Variants in TMEM222 observed in about 807,000 individuals in gnomAD.
The protein encoded by TMEM222 is chromosome 1 open reading frame 160.
A neutral mutation model predicts 25.1 loss-of-function variants in TMEM222; 18 were observed. The observed-to-expected ratio is 0.72, with a 90% CI of 0.50 to 1.06. The LOEUF is 1.06. Ranked by LOEUF, TMEM222 falls within the 50% of genes least tolerant of loss-of-function variation. The pLI is 0.00. For synonymous variants in TMEM222, 131 were observed against 117.9 expected (o/e 1.11, Z -0.72); for missense variants, 296 against 293.7 (o/e 1.01, Z -0.06).
chr1:27,328,618 C>G (rs1218500402), intron 1 of TMEM222, among the ~76,000 whole-genome samples: 1 of 152,218 alleles, frequency 6.6e-6, no homozygotes, highest in African/African-American at 2.4e-5. Flanking sequence ...GTCAGGACCT[C>G]CATCATCTCT....
intron 1 of TMEM222, among the ~76,000 whole-genome samples, chr1:27,323,744 G>A (rs2014269520): frequency 1.3e-5 from 2 of 152,240 alleles, no homozygotes; most frequent in Non-Finnish European, 2.9e-5. Context: ...CTGCACTTCA[G>A]CATGGGCAAC....
chr1:27,323,319 T>G (rs1406533656), intron 1 of TMEM222, among the ~76,000 whole-genome samples: 4 of 152,220 alleles, frequency 2.6e-5, no homozygotes, highest in African/African-American at 9.6e-5. Context: ...GATAGCTTGT[T>G]CCGCTATCAA....
In TMEM222 at chr1:27,330,795, C is replaced by T. The variant is rs531105741; in HGVS notation, c.270C>T (p.Tyr90=). 2.7e-5 allele frequency: 44 copies of T among 1,614,198 alleles called. No homozygotes were observed. In the African/African-American group the frequency reaches 4.9e-4, roughly 18 times the overall value. The change falls in exon 2 of 6, where the codon TAC becomes TAT. Residue 90 remains tyrosine, a synonymous_variant. Transcript: ENST00000374076. ...TGVIRDFAGP[Y]FVSEDNMAFG... ...TCATTCGGGACTTCGCGGGCCCCTA[C>T]TTTGTCTCAGTGAGTCCCCATTCTG... is the stretch of plus-strand genomic sequence containing the variant.
At chr1:27,325,815 C>G in intron 1 of TMEM222, 1 of 799,848 alleles carries the variant, frequency 1.3e-6, no homozygotes, top group Non-Finnish European at 2.3e-6. Context: ...CGAGCCGATG[C>G]GTAGCATTTG....
In TMEM222 at chr1:27,333,956, A is replaced by G. The variant is rs990943196; in HGVS notation, c.312-2A>G. On this transcript the variant is annotated splice_acceptor_variant, in intron 3 of 5. Coordinates refer to ENST00000374076, the MANE Select transcript of TMEM222 (RefSeq NM_032125.3). LOFTEE classifies it high-confidence loss of function. ...GTGTCCAGAGCCCTTCTCTCCCCCCAGGTACTGGAAGTTGGACCCTGCTCA... is the reference window on the plus strand; with the variant it reads ...GTGTCCAGAGCCCTTCTCTCCCCCCGGGTACTGGAAGTTGGACCCTGCTCA... 6.2e-7 allele frequency: 1 copy of G among 1,613,318 alleles called. No homozygotes were observed.
intron 2 of TMEM222, among the ~76,000 whole-genome samples, chr1:27,331,392 C>T (rs575926428): frequency 3.4e-4 from 52 of 152,318 alleles, no homozygotes; most frequent in Non-Finnish European, 4.4e-4. Context: ...CATCTTAACA[C>T]GACAAAGGTC....
chr1:27,334,775 C>G, intron 5 of TMEM222: 1 of 1,142,398 alleles, frequency 8.8e-7, no homozygotes, highest in Non-Finnish European at 1.1e-6. Context: ...ATCTGGCCGC[C>G]TCTCCAAGCT....
chr1:27,335,551 C>A lies in TMEM222; in HGVS notation c.*85C>A. 7.2e-7 allele frequency: 1 copy of A among 1,395,620 alleles called. No homozygotes were observed. The allele number at this position is 1,395,620 out of a possible 1,614,324, so 86.5% of individuals were successfully genotyped here. On this transcript the variant is annotated 3_prime_UTR_variant, in exon 6 of 6. Transcript: ENST00000374076. ...GGTTCCAGATTTTTTTCTCCTCACC[C>A]CAAAAGGCAGGGTTGGGCCTGCTGT...
At chr1:27,330,559 C>T (rs1047374884) in intron 1 of TMEM222, among the ~76,000 whole-genome samples, 161 bp from the exon 2 acceptor site, 6 of 152,170 alleles carry the variant, frequency 3.9e-5, no homozygotes, top group Non-Finnish European at 8.8e-5. Context: ...TGCAGTTACC[C>T]TTGTCTGTGC....
chr1:27,332,579 G>A, intron 3 of TMEM222: 1 of 712,776 alleles, frequency 1.4e-6, no homozygotes, highest in Non-Finnish European at 2.6e-6. Flanking sequence ...TTGCTGGTTT[G>A]GTTTGGGACA....
chr1:27,335,263 T>TGG, intron 5 of TMEM222, 116 bp from the exon 6 acceptor site: 1 of 1,002,012 alleles, frequency 1.0e-6, no homozygotes, highest in Non-Finnish European at 1.5e-6. Context: ...GAGGGGGTGG[T>TGG]TGGGTTTTCC....
chr1:27,335,814 G>T lies in TMEM222; in HGVS notation c.*348G>T. On this transcript the variant is annotated 3_prime_UTR_variant, in exon 6 of 6. Transcript: ENST00000374076. ...CCCAGTGCCCAGTATGGGGAGAGGA[G>T]GACATTTGGGCTCACCTGTCAAGGT... 1 of 331,068 alleles carries T rather than the reference G, an allele frequency of 3.0e-6. No homozygotes were observed. The highest frequency in any genetic ancestry group is 5.8e-6 in the Non-Finnish European group (1 of 171,716). The allele number at this position is 331,068 out of a possible 1,614,324, so 20.5% of individuals were successfully genotyped here. A position where few individuals can be genotyped will look rare whatever the true frequency, so the allele number is the denominator to read the frequency against.
intron 5 of TMEM222, 50 bp from the exon 6 acceptor site, chr1:27,335,329 C>T (rs1049582734): frequency 6.3e-7 from 1 of 1,583,218 alleles, no homozygotes; most frequent in Non-Finnish European, 8.7e-7. Flanking sequence ...GGGCCGCATG[C>T]CTGCTCACCA....
At chr1:27,332,144 G>T (rs150229097) in intron 3 of TMEM222, 43 bp downstream of exon 3, 1 of 1,612,602 alleles carries the variant, frequency 6.2e-7, no homozygotes. Flanking sequence ...GAGGCAGGTC[G>T]CTCCTGCCGG....
At chr1:27,331,976 T>G in intron 2 of TMEM222, 94 bp from the exon 3 acceptor site, 1 of 873,748 alleles carries the variant, frequency 1.1e-6, no homozygotes, top group Non-Finnish European at 1.8e-6. Flanking sequence ...TGACATACCC[T>G]CTTCTAAGTC....
chr1:27,332,162 C>G, intron 3 of TMEM222, 61 bp downstream of exon 3: 1 of 1,604,694 alleles, frequency 6.2e-7, no homozygotes. Context: ...CGGGGCGGGC[C>G]AGGCCTTCTG....
Position 27,335,502 on chromosome 1 carries a change from G to A in TMEM222, c.*36G>A, listed in dbSNP as rs368947878. The A allele has an allele frequency of 2.6e-4, 420 of 1,602,458 alleles. 2 individuals carry two copies. Among genetic ancestry groups the A allele is most frequent in the Non-Finnish European group, 3.3e-4 (383 of 1,169,878 alleles). On this transcript the variant is annotated 3_prime_UTR_variant, in exon 6 of 6. Transcript: ENST00000374076. The stretch of plus-strand genomic sequence containing the variant: ...GTGGCCCCACACCCACCAGGGTCCC[G>A]AGGAAACAGCCGCCATCCCTTTTGG...
At chr1:27,325,440 C>G (rs1488770152) in intron 1 of TMEM222, 9 of 1,233,184 alleles carry the variant, frequency 7.3e-6, no homozygotes, top group Non-Finnish European at 1.1e-5. Flanking sequence ...GTTCCAGTGT[C>G]CGGAGGCGCT....
chr1:27,332,063 T>C lies in TMEM222; in HGVS notation c.280-7T>C, dbSNP rs772271236. 4.3e-6 allele frequency: 7 copies of C among 1,614,082 alleles called. No homozygotes were observed. The highest frequency in any genetic ancestry group is 1.1e-5 in the South Asian group (1 of 91,094). On this transcript the variant is annotated splice_region_variant and splice_polypyrimidine_tract_variant and intron_variant, in intron 2 of 5. Coordinates refer to ENST00000374076, the MANE Select transcript of TMEM222 (RefSeq NM_032125.3). ...CCTCACTGACCTCTGCTTTTGTCCC[T>C]CAACAGGAGGACAACATGGCCTTTG...
Sources: gnomAD v4.1 joint callset for allele counts (sites outside exome capture counted in the v4.1 genomes callset) on GRCh38, gnomAD v4.1.1 for gene constraint, MANE v1.5 for transcripts, NCBI Gene and HGNC (gene_info 2026-07-23, HGNC 2026-07-21) for gene names.